The following PHC2 variants were observed in gnomAD, a reference collection of about 807,000 sequenced individuals.
PHC2 encodes the protein polyhomeotic-like protein 2.
Under a neutral mutation model 87.4 loss-of-function variants are expected in PHC2, and 29 were observed. The ratio of observed to expected loss-of-function variants is 0.33; its 90% CI spans 0.25 to 0.45. PHC2 has a LOEUF of 0.45. PHC2 is among the 20% of genes least tolerant of loss of function. PHC2 has a pLI of 1.00. For synonymous variants in PHC2, 438 were observed against 461.7 expected (o/e 0.95, Z 0.66); for missense variants, 857 against 1,136.7 (o/e 0.75, Z 3.54).
Position 33,392,033 on chromosome 1 carries a change from C to T in PHC2, c.-54-16440G>A, listed in dbSNP as rs764024210. Among the ~76,000 whole-genome samples the T allele has an allele frequency of 5.9e-5, 9 of 152,188 alleles. No individual in the cohort carries two copies. The South Asian group carries it at 1.0e-3, about 17-fold the overall frequency. The stretch of plus-strand genomic sequence containing the variant: ...GCACAGAGGGAAAGGAAAGTGCTAA[C>T]GGTCTTCATGGATATTCATTACCCA... On this transcript the variant is annotated intron_variant, in intron 1 of 14. Transcript: ENST00000683057.
intron 1 of PHC2, among the ~76,000 whole-genome samples, chr1:33,388,813 C>G (rs12083090): frequency 6.6e-6 from 1 of 152,082 alleles, no homozygotes; most frequent in Non-Finnish European, 1.5e-5. Context: ...GCAGCAGGTT[C>G]TGAGAGGTAA....
intron 9 of PHC2, among the ~76,000 whole-genome samples, chr1:33,342,449 A>G (rs1010628209): frequency 6.6e-6 from 1 of 152,116 alleles, no homozygotes; most frequent in African/African-American, 2.4e-5. Context: ...TGAATTGTAA[A>G]CAGCTGAATG....
intron 13 of PHC2, among the ~76,000 whole-genome samples, chr1:33,329,455 A>G (rs1370098630): frequency 6.6e-6 from 1 of 151,906 alleles, no homozygotes; most frequent in African/African-American, 2.4e-5. Context: ...TTCTGTACGT[A>G]CACAGCTTTG....
At chr1:33,362,981 T>C (rs1557833909) in intron 7 of PHC2, 2 of 152,078 alleles carry the variant, frequency 1.3e-5, no homozygotes, top group Non-Finnish European at 2.9e-5. Flanking sequence ...TAATCACTGT[T>C]AAGATTAAGT....
rs189730675 is a variant in PHC2 at position 33,407,546 on chromosome 1, A to G, written c.-55+23430T>C. Among the ~76,000 whole-genome samples the G allele has an allele frequency of 1.5e-3, 225 of 152,126 alleles. 1 individual carries two copies. The highest frequency in any genetic ancestry group is 1.8e-3 in the Non-Finnish European group (124 of 68,002). On this transcript the variant is annotated intron_variant, in intron 1 of 14. Transcript: ENST00000683057. ...TCCAGTAATGGTTTACTTCTAGTTCACTCTTACTTTGAAGGTGGAGCACTT... is the reference window on the plus strand; with the variant it reads ...TCCAGTAATGGTTTACTTCTAGTTCGCTCTTACTTTGAAGGTGGAGCACTT...
At position 33,358,424 on chromosome 1, in the gene PHC2, G is replaced by T. The variant is rs898169127; in HGVS notation, c.977-3171C>A. Among the ~76,000 whole-genome samples, 16 of 152,020 alleles carry T rather than the reference G, an allele frequency of 1.1e-4. No homozygotes were observed. In the South Asian group the frequency reaches 2.3e-3, roughly 22 times the overall value. ...TCAATTTATAGATCAGAGACCCAAA[G>T]GTATTTGGGGTATATATTAATACAT... On this transcript the variant is annotated intron_variant, in intron 7 of 14. Coordinates refer to ENST00000683057, the MANE Select transcript of PHC2 (RefSeq NM_001385109.1).
At position 33,334,610 on chromosome 1, in the gene PHC2, G is replaced by A. The variant is rs1300590223; in HGVS notation, c.1559-318C>T. ...GGGAATTCTATCTTTGAGGAGTTAA[G>A]ACCTTGGTCGATACTGATTTGAACA... On this transcript the variant is annotated intron_variant, in intron 9 of 14. Coordinates refer to ENST00000683057, the MANE Select transcript of PHC2 (RefSeq NM_001385109.1). This position sits in a 1 kb window ranked among gnomAD's most constrained non-coding sequence, Gnocchi z 5.5. Among the ~76,000 whole-genome samples, 1 of 152,248 alleles carries A rather than the reference G, an allele frequency of 6.6e-6. No homozygotes were observed. Among genetic ancestry groups the A allele is most frequent in the African/African-American group, 2.4e-5 (1 of 41,474 alleles).
At position 33,367,426 on chromosome 1, in the gene PHC2, T is replaced by C. The variant is rs905543004; in HGVS notation, c.666A>G (p.Val222=). ...SPARPPTPAQ[V]QNLTLRTQQT... Reference sequence around the variant, plus strand: ...GCTGTGTTCGGAGGGTCAAGTTCTGTACCTGGAAAAGAGGGGTCTGTGGGA... The same window carrying C: ...GCTGTGTTCGGAGGGTCAAGTTCTGCACCTGGAAAAGAGGGGTCTGTGGGA... The change falls in exon 7 of 15, where the codon GTA becomes GTG. Residue 222 remains valine, a splice_region_variant and synonymous_variant. Transcript: ENST00000683057. The C allele has an allele frequency of 2.6e-6, 4 of 1,552,104 alleles. No homozygotes were observed. The highest frequency in any genetic ancestry group is 2.6e-6 in the Non-Finnish European group (3 of 1,145,396).
chr1:33,365,945 C>T (rs1226626654), intron 7 of PHC2, among the ~76,000 whole-genome samples: 7 of 152,236 alleles, frequency 4.6e-5, no homozygotes, highest in Admixed American at 3.9e-4. Context: ...ATCTCTGACC[C>T]ATTCTGCCTG....
intron 1 of PHC2, among the ~76,000 whole-genome samples, chr1:33,400,938 A>T (rs1649495768): frequency 6.6e-6 from 1 of 152,132 alleles, no homozygotes; most frequent in African/African-American, 2.4e-5. Flanking sequence ...TACATTAAAA[A>T]TAATAAATAA....
intron 1 of PHC2, among the ~76,000 whole-genome samples, chr1:33,407,021 T>G (rs1470128094): frequency 6.6e-6 from 1 of 152,228 alleles, no homozygotes; most frequent in Non-Finnish European, 1.5e-5. Flanking sequence ...CATCTTTCAG[T>G]TCTGACCTCA....
rs112234970 is a variant in PHC2, at chr1:33,381,377, C to T, written c.-54-5784G>A. Reference sequence around the variant, plus strand: ...GAAAGCTTAATCTCTACCTCATCCACAAATTTCTCACCAACTAGTTTAAAA... The same window carrying T: ...GAAAGCTTAATCTCTACCTCATCCATAAATTTCTCACCAACTAGTTTAAAA... On this transcript the variant is annotated intron_variant, in intron 1 of 14. Coordinates refer to ENST00000683057, the MANE Select transcript of PHC2 (RefSeq NM_001385109.1). Among the ~76,000 whole-genome samples the T allele has an allele frequency of 7.7e-4, 117 of 152,284 alleles. 4 individuals carry two copies. The highest frequency in any genetic ancestry group is 2.2e-3 in the African/African-American group (90 of 41,566).
At chr1:33,366,786 A>G in intron 7 of PHC2, among the ~76,000 whole-genome samples, 1 of 152,174 alleles carries the variant, frequency 6.6e-6, no homozygotes, top group East Asian at 1.9e-4. Context: ...GTCTTGGAGA[A>G]TTTCAAAATA....
chr1:33,363,682 A>G, intron 7 of PHC2: 1 of 912,598 alleles, frequency 1.1e-6, no homozygotes, highest in Non-Finnish European at 1.3e-6. Flanking sequence ...CAACAACCCG[A>G]CAGTTCCCTT....
intron 1 of PHC2, among the ~76,000 whole-genome samples, chr1:33,399,518 T>C (rs1395688233): frequency 1.3e-5 from 2 of 152,238 alleles, no homozygotes; most frequent in East Asian, 3.8e-4. Context: ...AAAATAGACT[T>C]AAGCATCTTG....
intron 12 of PHC2, among the ~76,000 whole-genome samples, chr1:33,330,606 G>A (rs1253214637): frequency 6.6e-6 from 1 of 152,214 alleles, no homozygotes; most frequent in African/African-American, 2.4e-5. Flanking sequence ...ACAGCCTGAG[G>A]GGAATGAGGG....
intron 9 of PHC2, among the ~76,000 whole-genome samples, chr1:33,351,233 T>G (rs187762298): frequency 8.5e-5 from 13 of 152,360 alleles, no homozygotes; most frequent in Admixed American, 8.5e-4. Flanking sequence ...TTATGGGCAC[T>G]AGAATTGGAA....
At chr1:33,345,386 T>C in intron 9 of PHC2, 1 of 217,932 alleles carries the variant, frequency 4.6e-6, no homozygotes, top group Non-Finnish European at 7.8e-6. Flanking sequence ...GTCATGTCTT[T>C]ACCAGATGTA....
Position 33,349,739 on chromosome 1 carries a change from C to T in PHC2, c.1558+4662G>A. The T allele has an allele frequency of 1.0e-6, 1 of 993,876 alleles. No individual in the cohort carries two copies. Among genetic ancestry groups the T allele is most frequent in the Admixed American group, 5.5e-5 (1 of 18,056 alleles). The allele number at this position is 993,876 out of a possible 1,614,324, so 61.6% of individuals were successfully genotyped here. ...GAGCCGGGGCCCGGGGCTGCCGCGG[C>T]GCATCCGACCGCACCGGCCTGGCCG... On this transcript the variant is annotated intron_variant, in intron 9 of 14. Transcript: ENST00000683057. This position sits in a 1 kb window ranked among gnomAD's most constrained non-coding sequence, Gnocchi z 4.2.
Sources: gnomAD v4.1 joint callset for allele counts (sites outside exome capture counted in the v4.1 genomes callset) on GRCh38, gnomAD v4.1.1 for gene constraint, Gnocchi (gnomAD v3.1) non-coding constraint, MANE v1.5 for transcripts, NCBI Gene and HGNC (gene_info 2026-07-23, HGNC 2026-07-21) for gene names.